SLC24A2: variants seen among roughly 807,000 people sequenced by gnomAD.
SLC24A2 encodes the protein sodium/potassium/calcium exchanger 2.
In SLC24A2, 36 loss-of-function variants were observed where a neutral mutation model predicts 62.0. The observed-to-expected ratio is 0.58, with a 90% confidence interval of 0.44 to 0.77. SLC24A2 has a LOEUF of 0.77. SLC24A2 is among the 30% of genes least tolerant of loss of function. SLC24A2 has a pLI of 0.00. For missense variants in SLC24A2, 846 were observed against 817.9 expected, an observed-to-expected ratio of 1.03 and a Z score of -0.42; for synonymous variants, 358 against 294.0, an observed-to-expected ratio of 1.22 and a Z score of -2.23.
the SLC24A2 span, among the ~76,000 whole-genome samples, chr9:19,897,809 A>C: frequency 6.6e-6 from 1 of 152,186 alleles, no homozygotes; most frequent in Non-Finnish European, 1.5e-5. Context: ...AAAAGGGCAA[A>C]ACTGAGACTG....
In SLC24A2 at chr9:19,786,373, G is replaced by C; in HGVS notation, c.494C>G (p.Thr165Ser). The C allele has an allele frequency of 6.2e-7, 1 of 1,614,198 alleles. No homozygotes were observed. Among genetic ancestry groups the C allele is most frequent in the Non-Finnish European group, 8.5e-7 (1 of 1,180,038 alleles). ...EFFVPSLTVITEKLGISDDVA... is the reference protein window; with the variant it reads ...EFFVPSLTVISEKLGISDDVA... ...ATCATCAGAGATGCCCAGTTTTTCA[G>C]TGATGACAGTCAAAGAAGGAACAAA... is the stretch of plus-strand genomic sequence containing the variant. The change falls in exon 2 of 11, where the codon ACT (threonine) becomes AGT (serine). Residue 165 changes from threonine to serine, a missense_variant. Transcript: ENST00000341998. This position sits in a 1 kb window ranked among gnomAD's most constrained non-coding sequence, Gnocchi z 5.0.
At chr9:19,574,511 G>A (rs1404178088) in intron 6 of SLC24A2, among the ~76,000 whole-genome samples, 1 of 152,120 alleles carries the variant, frequency 6.6e-6, no homozygotes, top group African/African-American at 2.4e-5. Flanking sequence ...AAACTGGGGT[G>A]ATGGTAACAA....
At chr9:19,592,758 GA>G (rs943452142) in intron 5 of SLC24A2, among the ~76,000 whole-genome samples, 1 of 152,132 alleles carries the variant, frequency 6.6e-6, no homozygotes, top group African/African-American at 2.4e-5. Flanking sequence ...GAATTTTCTA[GA>G]GTAAGAATGG....
chr9:19,895,109 C>A, the SLC24A2 span, among the ~76,000 whole-genome samples: 1 of 152,168 alleles, frequency 6.6e-6, no homozygotes, highest in East Asian at 1.9e-4. Context: ...ATGAAAAACT[C>A]CAGCAAGAGC....
the SLC24A2 span, among the ~76,000 whole-genome samples, chr9:20,157,078 T>C: frequency 6.6e-6 from 1 of 151,776 alleles, no homozygotes; most frequent in African/African-American, 2.4e-5. Flanking sequence ...TTATAATTTG[T>C]ATATTAATTC....
At chr9:19,610,274 A>G (rs1166975233) in intron 4 of SLC24A2, among the ~76,000 whole-genome samples, 1 of 152,180 alleles carries the variant, frequency 6.6e-6, no homozygotes, top group Non-Finnish European at 1.5e-5. Context: ...ATAAGTAAGA[A>G]CCTTCATTTT....
At chr9:20,298,838 A>G in the SLC24A2 span, among the ~76,000 whole-genome samples, 36 of 152,320 alleles carry the variant, frequency 2.4e-4, no homozygotes, top group African/African-American at 7.9e-4. Context: ...GTTATCCCCT[A>G]TGCTCTTCAT....
chr9:19,720,449 G>A (rs1288773044), intron 2 of SLC24A2, among the ~76,000 whole-genome samples: 1 of 152,134 alleles, frequency 6.6e-6, no homozygotes, highest in African/African-American at 2.4e-5. Context: ...GCGTGGAGAA[G>A]AAAGTGCTGA....
At chr9:20,010,389 C>T in the SLC24A2 span, among the ~76,000 whole-genome samples, 1 of 152,008 alleles carries the variant, frequency 6.6e-6, no homozygotes, top group African/African-American at 2.4e-5. Context: ...TAAAGCTCTG[C>T]TAATGGATGC....
At chr9:19,741,468 C>T (rs1052292458) in intron 2 of SLC24A2, among the ~76,000 whole-genome samples, 3 of 152,158 alleles carry the variant, frequency 2.0e-5, no homozygotes, top group African/African-American at 7.2e-5. Context: ...CACATAACAG[C>T]CTCAACACTC....
At chr9:19,582,493 G>T (rs1836237482) in intron 5 of SLC24A2, among the ~76,000 whole-genome samples, 1 of 152,154 alleles carries the variant, frequency 6.6e-6, no homozygotes. Flanking sequence ...GCCAAACACA[G>T]CTCGGTGAAC....
chr9:19,940,076 C>T, the SLC24A2 span, among the ~76,000 whole-genome samples: 1 of 152,222 alleles, frequency 6.6e-6, no homozygotes, highest in African/African-American at 2.4e-5. Context: ...CCATTCCCAT[C>T]GCACCCATGG....
At chr9:20,246,022 T>G in the SLC24A2 span, among the ~76,000 whole-genome samples, 3 of 152,182 alleles carry the variant, frequency 2.0e-5, no homozygotes, top group African/African-American at 7.2e-5. Flanking sequence ...AAACTCTATG[T>G]ATACTGTTCA....
intron 2 of SLC24A2, among the ~76,000 whole-genome samples, chr9:19,754,436 C>T (rs1182679): frequency 1.4e-4 from 22 of 152,040 alleles, no homozygotes; most frequent in Non-Finnish European, 2.2e-4. Flanking sequence ...TCAATGACAG[C>T]GGGACTGGTG....
At chr9:19,545,173 A>C (rs1414956227) in intron 8 of SLC24A2, among the ~76,000 whole-genome samples, 1 of 151,762 alleles carries the variant, frequency 6.6e-6, no homozygotes, top group African/African-American at 2.4e-5. Context: ...CATTTCATTA[A>C]GTTGATCTTC....
intron 8 of SLC24A2, among the ~76,000 whole-genome samples, chr9:19,528,339 A>G (rs1344195734): frequency 6.6e-6 from 1 of 152,196 alleles, no homozygotes; most frequent in Non-Finnish European, 1.5e-5. Flanking sequence ...ATTGATAGGA[A>G]CTGAGTGATC....
the SLC24A2 span, among the ~76,000 whole-genome samples, chr9:20,099,391 C>G: frequency 6.6e-6 from 1 of 152,128 alleles, no homozygotes; most frequent in South Asian, 2.1e-4. Flanking sequence ...AAACCATTAC[C>G]TTTTCTGAAC....
At chr9:19,958,804 G>C in the SLC24A2 span, among the ~76,000 whole-genome samples, 1 of 152,008 alleles carries the variant, frequency 6.6e-6, no homozygotes, top group Non-Finnish European at 1.5e-5. Context: ...GATTTAAAGG[G>C]GCACACAAAT....
At chr9:19,648,945 G>A (rs1293443146) in intron 2 of SLC24A2, among the ~76,000 whole-genome samples, 16 of 129,260 alleles carry the variant, frequency 1.2e-4, no homozygotes, top group South Asian at 7.9e-4. Flanking sequence ...TTGGCCTAAA[G>A]ATATTTATTC....
Sources: allele counts gnomAD v4.1 joint callset (sites outside exome capture counted in the v4.1 genomes callset), GRCh38; gene constraint gnomAD v4.1.1; non-coding constraint Gnocchi (gnomAD v3.1); transcripts MANE v1.5; gene names NCBI Gene and HGNC (gene_info 2026-07-23, HGNC 2026-07-21).